Variants in SLC38A10 observed in about 807,000 individuals in gnomAD.
SLC38A10 encodes the protein solute carrier family 38 member 10.
Under a neutral mutation model 81.0 loss-of-function variants are expected in SLC38A10, and 53 were observed. That is an observed-to-expected ratio of 0.65 (90% CI 0.53 to 0.82). The LOEUF is 0.82. Ranked by LOEUF, SLC38A10 falls within the 40% of genes least tolerant of loss-of-function variation. The probability of loss-of-function intolerance (pLI) is 0.00; values close to 1 mark genes in which losing one functional copy is unlikely to be tolerated. For synonymous variants in SLC38A10, 665 were observed against 655.3 expected, an observed-to-expected ratio of 1.01 and a Z score of -0.23; for missense variants, 1,471 against 1,545.0, an observed-to-expected ratio of 0.95 and a Z score of 0.80.
intron 1 of SLC38A10, among the ~76,000 whole-genome samples, chr17:81,291,380 A>G (rs2146960549): frequency 6.6e-6 from 1 of 150,764 alleles, no homozygotes; most frequent in East Asian, 2.0e-4. Flanking sequence ...CCAGTTACTT[A>G]GGAGGCTGAG....
At chr17:81,273,504 A>T (rs1391744549) in intron 8 of SLC38A10, among the ~76,000 whole-genome samples, 2 of 152,202 alleles carry the variant, frequency 1.3e-5, no homozygotes, top group Non-Finnish European at 2.9e-5. Context: ...ACTGGCCGTG[A>T]TGACTCTCCC....
rs1567927175 is a variant in SLC38A10 at position 81,253,685 on chromosome 17, CCAACATCACCATCATCACCAT to C, written c.1289-466_1289-446del. On this transcript the variant is annotated intron_variant, in intron 11 of 15. Transcript: ENST00000374759. The surrounding 1 kb of genome is among the most constrained non-coding windows in gnomAD (Gnocchi z 4.1). ...ATCACCATCATCTCCATCCCTACCA[CCAACATCACCATCATCACCAT>C]CACCATCACCATCATCACCATCTCC... Among the ~76,000 whole-genome samples the C allele has an allele frequency of 6.6e-6, 1 of 151,098 alleles. No individual in the cohort carries two copies. Among genetic ancestry groups the C allele is most frequent in the East Asian group, 2.0e-4 (1 of 5,110 alleles).
Position 81,286,656 on chromosome 17 carries a change from AG to A in SLC38A10, c.218-1762del, listed in dbSNP as rs1472932529. Among the ~76,000 whole-genome samples the A allele has an allele frequency of 3.9e-5, 6 of 152,098 alleles. No individual in the cohort carries two copies. The highest frequency in any genetic ancestry group is 7.4e-5 in the Non-Finnish European group (5 of 68,006). Reference sequence around the variant, plus strand: ...GCGGGCCCAGCCCCTGCCAGGCTGGAGGTATCTGTGAGCGGCGAGCTCTGAG... The same window carrying A: ...GCGGGCCCAGCCCCTGCCAGGCTGGAGTATCTGTGAGCGGCGAGCTCTGAG... On this transcript the variant is annotated intron_variant, in intron 2 of 15. Coordinates refer to ENST00000374759, the MANE Select transcript of SLC38A10 (RefSeq NM_001037984.3). The surrounding 1 kb of genome is among the most constrained non-coding windows in gnomAD (Gnocchi z 6.0).
chr17:81,245,319 T>G lies in SLC38A10; in HGVS notation c.*237A>C. 2.0e-6 allele frequency: 1 copy of G among 502,664 alleles called. No homozygotes were observed. The highest frequency in any genetic ancestry group is 3.4e-6 in the Non-Finnish European group (1 of 291,678). The allele number at this position is 502,664 out of a possible 1,614,324, so 31.1% of individuals were successfully genotyped here. A position where few individuals can be genotyped will look rare whatever the true frequency, so the allele number is the denominator to read the frequency against. On this transcript the variant is annotated 3_prime_UTR_variant, in exon 16 of 16. Coordinates refer to ENST00000374759, the MANE Select transcript of SLC38A10 (RefSeq NM_001037984.3). ...CTCACAGGCTGGAGTGAGCTCAGAG[T>G]CTAGAGGTCAGAGGACCTCAGACTA... is the stretch of plus-strand genomic sequence containing the variant.
At position 81,246,085 on chromosome 17, in the gene SLC38A10, C is replaced by T. The variant is rs755715556; in HGVS notation, c.2831G>A (p.Gly944Glu). 1.2e-6 allele frequency: 2 copies of T among 1,608,626 alleles called. No individual in the cohort carries two copies. Among genetic ancestry groups the T allele is most frequent in the South Asian group, 1.1e-5 (1 of 91,008 alleles). Residue 944 changes from glycine (G) to glutamate (E), a missense_variant, in exon 16 of 16, where the codon GGG (glycine) becomes GAG (glutamate). Physicochemically the swap from Gly to Glu is moderately conservative, Grantham distance 98. Transcript: ENST00000374759. ...DLGLAADLPG[G>E]AEGAAAQPQA... is the part of the protein sequence containing the mutation. ...GGGCTGTGCAGCTGCTCCTTCCGCC[C>T]CACCGGGCAGGTCCGCTGCAAGGCC...
At position 81,260,247 on chromosome 17, in the gene SLC38A10, G is replaced by A. The variant is rs754971031; in HGVS notation, c.1279C>T (p.Arg427Trp). The stretch of plus-strand genomic sequence containing the variant: ...GCCAGGGTGGGCATACCTGAGAGCC[G>A]CGCTGCCTCCACCTTCATCAAACCC... ...AEGLMKVEAARLSAQDPVVAV... is the reference protein window; with the variant it reads ...AEGLMKVEAAWLSAQDPVVAV... Residue 427 changes from arginine to tryptophan, a missense_variant, in exon 11 of 16, where the codon CGG becomes TGG. Around this residue, in one of 2 missense-constraint regions of SLC38A10, gnomAD observed 720 missense variants for 827.7 expected, o/e 0.87. Coordinates refer to ENST00000374759, the MANE Select transcript of SLC38A10 (RefSeq NM_001037984.3). 3.5e-5 allele frequency: 56 copies of A among 1,602,672 alleles called. No individual in the cohort carries two copies. In the East Asian group the frequency reaches 4.5e-4, roughly 13 times the overall value.
Position 81,245,847 on chromosome 17 carries a change from T to C in SLC38A10, c.3069A>G (p.Lys1023=). The C allele has an allele frequency of 1.9e-6, 3 of 1,612,146 alleles. No homozygotes were observed. Among genetic ancestry groups the C allele is most frequent in the Non-Finnish European group, 2.5e-6 (3 of 1,179,506 alleles). The change falls in exon 16 of 16, where the codon AAA becomes AAG. Residue 1023 remains lysine (K), a synonymous_variant. Coordinates refer to ENST00000374759, the MANE Select transcript of SLC38A10 (RefSeq NM_001037984.3). ...RQRPEPELGL[K]RAVPGGQRPD... is the part of the protein sequence containing the mutation. Reference sequence around the variant, plus strand: ...GCCTCTGGCCCCCCGGGACAGCTCGTTTGAGCCCCAGCTCTGGCTCTGGCC... The same window carrying C: ...GCCTCTGGCCCCCCGGGACAGCTCGCTTGAGCCCCAGCTCTGGCTCTGGCC...
Position 81,277,082 on chromosome 17 carries a change from C to T in SLC38A10, c.678G>A (p.Met226Ile), listed in dbSNP as rs977052885. Residue 226 changes from methionine to isoleucine, a missense_variant, in exon 7 of 16, where the codon ATG (methionine) becomes ATA (isoleucine). Physicochemically the swap from Met to Ile is conservative, Grantham distance 10. This residue lies in a region of SLC38A10 where 720 missense variants were observed against 827.7 expected (regional missense o/e 0.87). Coordinates refer to ENST00000374759, the MANE Select transcript of SLC38A10 (RefSeq NM_001037984.3). The surrounding 1 kb of genome is among the most constrained non-coding windows in gnomAD (Gnocchi z 4.5). ...TAAGGGAGGAAGCAAATATGGAGCT[C>T]ATGGTTTTCACTGACGGCTCATCCA... Reference protein sequence around the residue: ...DSLDEPSVKTMSSIFASSLNV... With the variant: ...DSLDEPSVKTISSIFASSLNV... 1.2e-6 allele frequency: 2 copies of T among 1,614,070 alleles called. No individual in the cohort carries two copies. The highest frequency in any genetic ancestry group is 1.7e-6 in the Non-Finnish European group (2 of 1,179,966).
intron 6 of SLC38A10, among the ~76,000 whole-genome samples, chr17:81,278,534 G>A (rs2063181499): frequency 6.6e-6 from 1 of 152,180 alleles, no homozygotes; most frequent in Non-Finnish European, 1.5e-5. Flanking sequence ...CGCAGGACAT[G>A]AGCCTTCCCC....
At chr17:81,259,918 A>C (rs1398501162) in intron 11 of SLC38A10, among the ~76,000 whole-genome samples, 1 of 152,206 alleles carries the variant, frequency 6.6e-6, no homozygotes, top group Non-Finnish European at 1.5e-5. Context: ...GAATAACAGC[A>C]CGTGAGCAAC....
Position 81,245,685 on chromosome 17 carries a change from CA to C in SLC38A10, c.3230del (p.Leu1077ArgfsTer6), listed in dbSNP as rs2062841497. 1.3e-6 allele frequency: 2 copies of C among 1,599,432 alleles called. No homozygotes were observed. Among genetic ancestry groups the C allele is most frequent in the Admixed American group, 1.7e-5 (1 of 58,108 alleles). ...RDGVIIGLNP[L>X]PDVQVNDLRG... ...GGAGGTCGTTCACCTGGACATCAGG[CA>C]GGGGGTTAAGGCCAATGATGACCCC... On this transcript the variant is annotated frameshift_variant, in exon 16 of 16. Transcript: ENST00000374759. LOFTEE classifies it low-confidence loss of function (END_TRUNC).
intron 11 of SLC38A10, among the ~76,000 whole-genome samples, chr17:81,259,734 C>T (rs925865950): frequency 6.6e-6 from 1 of 152,070 alleles, no homozygotes; most frequent in South Asian, 2.1e-4. Flanking sequence ...GGTTACAGGG[C>T]GCCACGGGGC....
At chr17:81,271,104 C>T (rs945927133) in intron 9 of SLC38A10, 80 bp from the exon 10 acceptor site, 41 of 1,158,536 alleles carry the variant, frequency 3.5e-5, no homozygotes, top group Middle Eastern at 1.9e-4. Context: ...GCCCTGCACA[C>T]GGGTGAGCAA....
At chr17:81,251,191 C>A (rs1250470757) in intron 14 of SLC38A10, 1 of 1,535,656 alleles carries the variant, frequency 6.5e-7, no homozygotes, top group East Asian at 2.3e-5. Context: ...TAATCACAAG[C>A]CAAGTGACAA....
At chr17:81,259,260 C>T (rs1459872158) in intron 11 of SLC38A10, among the ~76,000 whole-genome samples, 1 of 152,234 alleles carries the variant, frequency 6.6e-6, no homozygotes, top group Non-Finnish European at 1.5e-5. Context: ...GCCTGAGACC[C>T]CCAGCCAGAG....
chr17:81,282,904 T>A (rs934771378), intron 4 of SLC38A10, among the ~76,000 whole-genome samples: 6 of 152,288 alleles, frequency 3.9e-5, no homozygotes, highest in South Asian at 2.1e-4. Flanking sequence ...CGTGCCGTGA[T>A]GCCTGCCCTG....
In SLC38A10 at chr17:81,277,551, C is replaced by T. The variant is rs994527117; in HGVS notation, c.627-418G>A. 5.3e-5 allele frequency among the ~76,000 whole-genome samples: 8 copies of T among 152,216 alleles called. No homozygotes were observed. Among genetic ancestry groups the T allele is most frequent in the Non-Finnish European group, 7.3e-5 (5 of 68,038 alleles). On this transcript the variant is annotated intron_variant, in intron 6 of 15. Coordinates refer to ENST00000374759, the MANE Select transcript of SLC38A10 (RefSeq NM_001037984.3). This position sits in a 1 kb window ranked among gnomAD's most constrained non-coding sequence, Gnocchi z 4.5. ...CCGGCCCATCTCGGCGCCTCCATCT[C>T]GGCGCCTCCGCACAGGCATGATCAG...
intron 14 of SLC38A10, chr17:81,247,342 T>C: frequency 3.0e-6 from 1 of 329,316 alleles, no homozygotes; most frequent in Non-Finnish European, 5.5e-6. Context: ...CCGCATCAGT[T>C]CTCCCACTGG....
In SLC38A10 at chr17:81,280,710, G is replaced by A. The variant is rs146728538; in HGVS notation, c.525C>T (p.His175=). 2.9e-5 allele frequency: 46 copies of A among 1,613,436 alleles called. No individual in the cohort carries two copies. Among genetic ancestry groups the A allele is most frequent in the South Asian group, 5.5e-5 (5 of 91,020 alleles). ...GCAGCCACTGCCCACTGAAGAGGCCGTGCTTGAGAGAGGAGAGCACGATCT... is the reference window on the plus strand; with the variant it reads ...GCAGCCACTGCCCACTGAAGAGGCCATGCTTGAGAGAGGAGAGCACGATCT... ...MFVIVLSSLK[H]GLFSGQWLRR... is the part of the protein sequence containing the mutation. Residue 175 remains histidine (H), a synonymous_variant, in exon 6 of 16, where the codon CAC becomes CAT. Transcript: ENST00000374759.
Sources: allele counts gnomAD v4.1 joint callset (sites outside exome capture counted in the v4.1 genomes callset), GRCh38; gene constraint gnomAD v4.1.1; regional missense constraint gnomAD v4.1.1; non-coding constraint Gnocchi (gnomAD v3.1); transcripts MANE v1.5; gene names NCBI Gene and HGNC (gene_info 2026-07-23, HGNC 2026-07-21).